MGME1: variants seen among roughly 807,000 people sequenced by gnomAD.
MGME1 encodes mitochondrial genome maintenance exonuclease 1.
MGME1 carries 22 observed loss-of-function variants against 33.0 expected under a neutral mutation model. The ratio of observed to expected loss-of-function variants is 0.67; its 90% CI spans 0.48 to 0.95. MGME1 has a LOEUF of 0.95. Ranked by LOEUF, MGME1 falls within the 40% of genes least tolerant of loss-of-function variation. The pLI is 0.00. For missense variants in MGME1, 383 were observed against 397.8 expected, an observed-to-expected ratio of 0.96 and a Z score of 0.32; for synonymous variants, 133 against 144.0, an observed-to-expected ratio of 0.92 and a Z score of 0.55.
chr20:17,981,510 T>C, intron 3 of MGME1, among the ~76,000 whole-genome samples: 1 of 152,248 alleles, frequency 6.6e-6, no homozygotes, highest in Admixed American at 6.5e-5. Flanking sequence ...GATCTACTTC[T>C]TTTTTTACTT....
intron 2 of MGME1, among the ~76,000 whole-genome samples, chr20:17,971,724 T>C (rs2035733204): frequency 2.0e-5 from 3 of 151,894 alleles, no homozygotes; most frequent in African/African-American, 7.3e-5. Context: ...GTCAGCTTTG[T>C]TGATCTAGAT....
chr20:17,970,852 A>AG (rs538566105), intron 2 of MGME1, among the ~76,000 whole-genome samples: 155 of 152,354 alleles, frequency 1.0e-3, no homozygotes, highest in African/African-American at 3.6e-3. Flanking sequence ...CTTGGTAAAC[A>AG]TAATCAGAGG....
At position 17,979,780 on chromosome 20, in the gene MGME1, G is replaced by T. The variant is rs147425520; in HGVS notation, c.731+3877G>T. Among the ~76,000 whole-genome samples the T allele has an allele frequency of 2.6e-3, 401 of 152,064 alleles. 1 individual carries two copies. Among genetic ancestry groups the T allele is most frequent in the Middle Eastern group, 0.01 (3 of 294 alleles). On this transcript the variant is annotated intron_variant, in intron 3 of 4. Coordinates refer to ENST00000377710, the MANE Select transcript of MGME1 (RefSeq NM_052865.4). ...CAGTCTTTCACTGTCACCCATGCTGGAGTGCAGTGATGCATTCAGGGCTCA... is the reference window on the plus strand; with the variant it reads ...CAGTCTTTCACTGTCACCCATGCTGTAGTGCAGTGATGCATTCAGGGCTCA...
chr20:17,987,894 CAAAAAAAGAGGG>C (rs1297664784), intron 3 of MGME1, among the ~76,000 whole-genome samples: 1 of 150,852 alleles, frequency 6.6e-6, no homozygotes, highest in African/African-American at 2.4e-5. Context: ...TTATTTGATG[CAAAAAAAGAGGG>C]AGAAAAAGTG....
At chr20:17,974,443 GGAGA>G (rs1263001790) in intron 2 of MGME1, among the ~76,000 whole-genome samples, 5 of 152,210 alleles carry the variant, frequency 3.3e-5, no homozygotes, top group Admixed American at 3.3e-4. Context: ...CTGAAAATGA[GGAGA>G]GAGTTCAAAA....
chr20:17,973,640 C>CAAA (rs11482677), intron 2 of MGME1, among the ~76,000 whole-genome samples: 14 of 147,584 alleles, frequency 9.5e-5, no homozygotes, highest in Non-Finnish European at 1.3e-4. Context: ...GACCCTGTCT[C>CAAA]AAAAAAAAAA....
In MGME1 at chr20:17,984,076, G is replaced by C. The variant is rs2036097657; in HGVS notation, c.732-4090G>C. Among the ~76,000 whole-genome samples the C allele has an allele frequency of 3.3e-5, 5 of 152,024 alleles. No individual in the cohort carries two copies. In the South Asian group the frequency reaches 1.0e-3, roughly 32 times the overall value. ...TACAGTTTCAGGTCTTAAATTTTAA[G>C]TTGATTTTTGTATGTGGTATGAGAT... On this transcript the variant is annotated intron_variant, in intron 3 of 4. Coordinates refer to ENST00000377710, the MANE Select transcript of MGME1 (RefSeq NM_052865.4).
chr20:17,975,658 C>T, intron 2 of MGME1, 26 bp from the exon 3 acceptor site: 1 of 1,559,358 alleles, frequency 6.4e-7, no homozygotes, highest in Non-Finnish European at 8.8e-7. Flanking sequence ...TTTCCCCCCT[C>T]CCCTTTTCCC....
intron 3 of MGME1, among the ~76,000 whole-genome samples, chr20:17,976,218 G>C (rs1187968316): frequency 1.3e-5 from 2 of 152,156 alleles, no homozygotes; most frequent in African/African-American, 4.8e-5. Flanking sequence ...CCGTCTCCCA[G>C]GTTCAAGCGG....
chr20:17,972,206 AT>A (rs1242466445), intron 2 of MGME1, among the ~76,000 whole-genome samples: 1 of 152,212 alleles, frequency 6.6e-6, no homozygotes, highest in Non-Finnish European at 1.5e-5. Flanking sequence ...GAAGAATTAC[AT>A]TTTAAAAATT....
intron 3 of MGME1, among the ~76,000 whole-genome samples, chr20:17,977,388 T>G (rs746458049): frequency 1.0e-4 from 15 of 146,178 alleles, no homozygotes; most frequent in South Asian, 2.2e-4. Context: ...AAAAAAAAAA[T>G]AAAAGAAAGA....
chr20:17,988,072 C>T (rs1239387768), intron 3 of MGME1, 94 bp from the exon 4 acceptor site: 1 of 1,250,972 alleles, frequency 8.0e-7, no homozygotes, highest in Non-Finnish European at 1.1e-6. Flanking sequence ...CATTGGCTGA[C>T]AAGTAACAAA....
chr20:17,983,075 C>T (rs1008922669), intron 3 of MGME1, among the ~76,000 whole-genome samples: 20 of 152,156 alleles, frequency 1.3e-4, no homozygotes, highest in African/African-American at 4.3e-4. Context: ...CTCTCCATCC[C>T]TATCCTCTTG....
chr20:17,977,001 A>T (rs572928183), intron 3 of MGME1, among the ~76,000 whole-genome samples: 1 of 151,870 alleles, frequency 6.6e-6, no homozygotes, highest in African/African-American at 2.4e-5. Flanking sequence ...TGTTTTACTC[A>T]GGTACTTCAG....
At chr20:17,989,053 C>T (rs1388846670) in intron 4 of MGME1, among the ~76,000 whole-genome samples, 1 of 151,954 alleles carries the variant, frequency 6.6e-6, no homozygotes, top group Non-Finnish European at 1.5e-5. Context: ...TGTACCACTG[C>T]ACTCTAGCCT....
intron 3 of MGME1, among the ~76,000 whole-genome samples, chr20:17,984,544 T>C (rs1469121774): frequency 6.6e-6 from 1 of 152,114 alleles, no homozygotes; most frequent in African/African-American, 2.4e-5. Flanking sequence ...TTGATAATGG[T>C]AATAAACAAC....
chr20:17,970,323 G>A lies in MGME1; in HGVS notation c.464G>A (p.Arg155Gln), dbSNP rs763481560. 8.7e-6 allele frequency: 14 copies of A among 1,614,048 alleles called. No homozygotes were observed. The highest frequency in any genetic ancestry group is 1.2e-5 in the Non-Finnish European group (14 of 1,180,014). Residue 155 changes from arginine (R) to glutamine (Q), a missense_variant, in exon 2 of 5, where the codon CGG becomes CAG. Arg to Gln is a conservative substitution (Grantham distance 43). Transcript: ENST00000377710. ...TTCTTGTTGGAGAGGTGGAAACAGC[G>A]GATGATTCTGGAACTGGGAGAAGAT... ...QVFLLERWKQRMILELGEDGF... is the reference protein window; with the variant it reads ...QVFLLERWKQQMILELGEDGF...
chr20:17,979,359 T>C (rs1349180373), intron 3 of MGME1, among the ~76,000 whole-genome samples: 1 of 151,918 alleles, frequency 6.6e-6, no homozygotes, highest in Non-Finnish European at 1.5e-5. Flanking sequence ...GATTTACAGG[T>C]GTGAGGCACC....
At chr20:17,971,805 C>A (rs1420687211) in intron 2 of MGME1, among the ~76,000 whole-genome samples, 2 of 152,124 alleles carry the variant, frequency 1.3e-5, no homozygotes, top group African/African-American at 4.8e-5. Flanking sequence ...CTTACCCCAG[C>A]ACCCCGCCCA....
Sources: gnomAD v4.1 joint callset for allele counts (sites outside exome capture counted in the v4.1 genomes callset) on GRCh38, gnomAD v4.1.1 for gene constraint, MANE v1.5 for transcripts, NCBI Gene and HGNC (gene_info 2026-07-23, HGNC 2026-07-21) for gene names.